Variants in ZNF7 observed in about 807,000 individuals in gnomAD.
ZNF7 encodes the protein C2-H2 type zinc finger protein.
In ZNF7, 10 loss-of-function variants were observed where a neutral mutation model predicts 12.0. The observed-to-expected ratio is 0.83, with a 90% CI of 0.51 to 1.42. ZNF7 has a LOEUF of 1.42. ZNF7 is among the 40% of genes most tolerant of loss of function. The pLI, the probability that ZNF7 is intolerant of heterozygous loss-of-function variation, is 0.00. For synonymous variants in ZNF7, 334 were observed against 295.0 expected, an observed-to-expected ratio of 1.13 and a Z score of -1.35; for missense variants, 854 against 837.2, an observed-to-expected ratio of 1.02 and a Z score of -0.25.
chr8:144,836,197 T>G (rs1394432439), intron 3 of ZNF7: 1 of 152,138 alleles, frequency 6.6e-6, no homozygotes, highest in Non-Finnish European at 1.5e-5. Context: ...AATTTAAAAA[T>G]TAGCTGGGTG....
intron 4 of ZNF7, among the ~76,000 whole-genome samples, chr8:144,839,665 G>A (rs919908647): frequency 6.6e-6 from 1 of 152,210 alleles, no homozygotes; most frequent in African/African-American, 2.4e-5. Flanking sequence ...GAGAGTCCGG[G>A]GCAGGGATGT....
Position 144,837,071 on chromosome 8 carries a change from T to C in ZNF7, c.131-320T>C, listed in dbSNP as rs141417728. The C allele has an allele frequency of 2.2e-4, 48 of 219,256 alleles. No individual in the cohort carries two copies. In the East Asian group the frequency reaches 4.4e-3, roughly 20 times the overall value. 13.6% of individuals were successfully genotyped at this position (219,256 alleles called of 1,614,324 possible). A position where few individuals can be genotyped will look rare whatever the true frequency, so the allele number is the denominator to read the frequency against. ...CAGGCCCGGTTCTGCTAAGTGAAGC[T>C]TGGGCTTCTCCTTCTCTTTCCCGAG... On this transcript the variant is annotated intron_variant, in intron 3 of 4. Transcript: ENST00000532777.
At position 144,842,880 on chromosome 8, in the gene ZNF7, C is replaced by T. The variant is rs1466713980; in HGVS notation, c.1773C>T (p.Ser591=). Residue 591 remains serine (S), a synonymous_variant, in exon 5 of 5, where the codon AGC becomes AGT. Transcript: ENST00000532777. The part of the protein sequence containing the change: ...YECSECGKAF[S]RSSYLIEHQR... The stretch of plus-strand genomic sequence containing the variant: ...GCAGTGAGTGTGGAAAAGCCTTCAG[C>T]CGGAGCTCATATCTTATTGAACACC... 6.2e-7 allele frequency: 1 copy of T among 1,614,226 alleles called. No homozygotes were observed.
chr8:144,828,937 A>T, intron 1 of ZNF7, 106 bp from the exon 2 acceptor site: 1 of 1,439,088 alleles, frequency 6.9e-7, no homozygotes, highest in Non-Finnish European at 9.4e-7. Flanking sequence ...TGCTAGAGAA[A>T]TCTGGGGCTG....
At chr8:144,838,012 G>A (rs1829247688) in intron 4 of ZNF7, 1 of 698,340 alleles carries the variant, frequency 1.4e-6, no homozygotes. Context: ...TCACAGCTGT[G>A]GAGGCCGGAA....
At chr8:144,836,329 C>G (rs1186200479) in intron 3 of ZNF7, 1 of 152,230 alleles carries the variant, frequency 6.6e-6, no homozygotes, top group Non-Finnish European at 1.5e-5. Flanking sequence ...AAGACCGTAT[C>G]TCTAAATAAA....
chr8:144,838,378 C>T lies in ZNF7; in HGVS notation c.247+871C>T, dbSNP rs1353757434. 1.4e-4 allele frequency: 72 copies of T among 498,120 alleles called. No homozygotes were observed. In the South Asian group the frequency reaches 2.2e-3, roughly 15 times the overall value. 30.9% of individuals were successfully genotyped at this position (498,120 alleles called of 1,614,324 possible). ...CTATCTTGGGGTCCTCAGCCCTAACCAGGGCACCCACTGCCTCCGGCATCA... is the reference window on the plus strand; with the variant it reads ...CTATCTTGGGGTCCTCAGCCCTAACTAGGGCACCCACTGCCTCCGGCATCA... On this transcript the variant is annotated intron_variant, in intron 4 of 4. Coordinates refer to ENST00000532777, the MANE Select transcript of ZNF7 (RefSeq NM_003416.4).
downstream of ZNF7, chr8:144,846,116 G>A (rs1174858273): frequency 1.3e-6 from 2 of 1,536,256 alleles, no homozygotes; most frequent in Non-Finnish European, 1.7e-6. Flanking sequence ...ATCTCCTCTT[G>A]GCCACTTCCT....
intron 4 of ZNF7, chr8:144,837,962 C>CCA: frequency 1.5e-6 from 1 of 661,226 alleles, no homozygotes; most frequent in South Asian, 1.6e-5. Context: ...TAACAATGAA[C>CCA]CACAGACTAG....
chr8:144,831,721 T>C lies in ZNF7; in HGVS notation c.130+2117T>C, dbSNP rs1366769178. ...TCGCTTGAACCCTGGAGGCGGAGCT[T>C]GCAGCGAGCTGAGATCGCACCACTG... is the stretch of plus-strand genomic sequence containing the variant. On this transcript the variant is annotated intron_variant, in intron 3 of 4. Transcript: ENST00000532777. Among the ~76,000 whole-genome samples the C allele has an allele frequency of 1.9e-4, 16 of 83,534 alleles. 4 individuals are homozygous for C. The East Asian group carries it at 4.6e-3, about 24-fold the overall frequency. The allele number at this position is 83,534 out of a possible 152,430, so 54.8% of individuals were successfully genotyped here.
intron 3 of ZNF7, chr8:144,836,751 C>T (rs1016365301): frequency 3.9e-5 from 6 of 152,346 alleles, no homozygotes; most frequent in African/African-American, 7.2e-5. Flanking sequence ...CATGGATCAA[C>T]TGCTCATCTC....
intron 1 of ZNF7, 154 bp downstream of exon 1, chr8:144,827,763 T>C: frequency 1.2e-6 from 1 of 868,126 alleles, no homozygotes; most frequent in Non-Finnish European, 1.4e-6. Context: ...CTTGAGCGCC[T>C]GGTGTGGGAG....
chr8:144,837,975 A>C, intron 4 of ZNF7: 1 of 675,300 alleles, frequency 1.5e-6, no homozygotes, highest in Non-Finnish European at 2.7e-6. Flanking sequence ...CAGACTAGGA[A>C]GCTTAAAACA....
Position 144,843,171 on chromosome 8 carries a change from C to G in ZNF7, c.*3C>G. On this transcript the variant is annotated 3_prime_UTR_variant, in exon 5 of 5. Transcript: ENST00000532777. ...ATCAAAAAATTCACATGGGATAGAC[C>G]ACTTACATATAAATGTGTATATATG... The G allele has an allele frequency of 1.3e-6, 2 of 1,566,636 alleles. No individual in the cohort carries two copies. Among genetic ancestry groups the G allele is most frequent in the South Asian group, 1.2e-5 (1 of 82,664 alleles).
chr8:144,829,452 T>TG, intron 2 of ZNF7, 26 bp from the exon 3 acceptor site: 1 of 1,613,686 alleles, frequency 6.2e-7, no homozygotes, highest in Non-Finnish European at 8.5e-7. Flanking sequence ...CAGGGATTCC[T>TG]GGGGTGCTGG....
chr8:144,840,518 G>A (rs985903458), intron 4 of ZNF7, among the ~76,000 whole-genome samples: 2 of 152,186 alleles, frequency 1.3e-5, no homozygotes, highest in Non-Finnish European at 2.9e-5. Context: ...TCATAGCCGT[G>A]TGTTGTGGTT....
chr8:144,837,398 C>T lies in ZNF7; in HGVS notation c.138C>T (p.Phe46=). The change falls in exon 4 of 5, where the codon TTC becomes TTT. Residue 46 remains phenylalanine, a synonymous_variant. Coordinates refer to ENST00000532777, the MANE Select transcript of ZNF7 (RefSeq NM_003416.4). The part of the protein sequence containing the change: ...NHSSVAGLAG[F]LVFKPELISR... ...TCTCTGCCGCACACACAGCAGGATT[C>T]CTGGTTTTCAAGCCTGAGCTGATCT... 6.2e-7 allele frequency: 1 copy of T among 1,608,780 alleles called. No individual in the cohort carries two copies. The highest frequency in any genetic ancestry group is 8.5e-7 in the Non-Finnish European group (1 of 1,175,804).
At position 144,842,487 on chromosome 8, in the gene ZNF7, G is replaced by T; in HGVS notation, c.1380G>T (p.Gln460His). 1 of 1,614,168 alleles carries T rather than the reference G, an allele frequency of 6.2e-7. No homozygotes were observed. The highest frequency in any genetic ancestry group is 8.5e-7 in the Non-Finnish European group (1 of 1,180,046). Residue 460 changes from glutamine to histidine, a missense_variant, in exon 5 of 5, where the codon CAG becomes CAT. Coordinates refer to ENST00000532777, the MANE Select transcript of ZNF7 (RefSeq NM_003416.4). Reference protein sequence around the residue: ...FGCSSRLIRHQRTHTGEKPFK... With the variant: ...FGCSSRLIRHHRTHTGEKPFK... ...GTAGTTCACGGCTTATTCGCCATCA[G>T]AGAACTCACACTGGAGAAAAACCAT...
Position 144,837,599 on chromosome 8 carries a change from G to A in ZNF7, c.247+92G>A, listed in dbSNP as rs534768518. On this transcript the variant is annotated intron_variant, in intron 4 of 4. Coordinates refer to ENST00000532777, the MANE Select transcript of ZNF7 (RefSeq NM_003416.4). ...CTGTGGGTAGCTGTGGGTGAGTCGC[G>A]GGGGCTACACTGGGATGCCTGGGAA... is the stretch of plus-strand genomic sequence containing the variant. The A allele has an allele frequency of 9.8e-5, 87 of 889,140 alleles. 1 individual carries two copies. Among genetic ancestry groups the A allele is most frequent in the Admixed American group, 3.9e-4 (16 of 41,106 alleles). 55.1% of individuals were successfully genotyped at this position (889,140 alleles called of 1,614,324 possible). A position where few individuals can be genotyped will look rare whatever the true frequency, so the allele number is the denominator to read the frequency against.
Sources: gnomAD v4.1 joint callset for allele counts (sites outside exome capture counted in the v4.1 genomes callset) on GRCh38, gnomAD v4.1.1 for gene constraint, MANE v1.5 for transcripts, NCBI Gene and HGNC (gene_info 2026-07-23, HGNC 2026-07-21) for gene names.